The following PEX14 variants were observed in gnomAD, a reference collection of about 807,000 sequenced individuals.
The protein encoded by PEX14 is peroxisomal biogenesis factor 14, also known as peroxisomal membrane protein PEX14.
PEX14 carries 15 observed loss-of-function variants against 49.5 expected under a neutral mutation model. The ratio of observed to expected loss-of-function variants is 0.30; its 90% CI spans 0.20 to 0.47. PEX14 has a LOEUF of 0.47. Among genes scored for constraint, PEX14 ranks in the 20% least tolerant of loss-of-function variants. The pLI, the probability that PEX14 is intolerant of heterozygous loss-of-function variation, is 1.00. For missense variants in PEX14, 398 were observed against 494.8 expected (o/e 0.80, Z 1.86); for synonymous variants, 210 against 212.7 (o/e 0.99, Z 0.11).
chr1:10,572,689 A>T (rs11583484), intron 3 of PEX14, among the ~76,000 whole-genome samples: 4 of 144,834 alleles, frequency 2.8e-5, no homozygotes, highest in Non-Finnish European at 4.6e-5. Flanking sequence ...CGCCCCCCCC[A>T]CCACGCCCAG....
Position 10,618,532 on chromosome 1 carries a change from T to G in PEX14, c.384+115T>G, listed in dbSNP as rs552687700. The G allele has an allele frequency of 7.3e-4, 605 of 831,050 alleles. 2 individuals are homozygous for G. The East Asian group carries it at 7.9e-3, about 11-fold the overall frequency. 51.5% of individuals were successfully genotyped at this position (831,050 alleles called of 1,614,324 possible). On this transcript the variant is annotated intron_variant, in intron 5 of 8. Transcript: ENST00000356607. ...TGCCGTGCTCTGCCCTGGAGTGTGT[T>G]GGCAGTGAGAGGCTGTGGTAGAGGT... is the stretch of plus-strand genomic sequence containing the variant.
intron 4 of PEX14, among the ~76,000 whole-genome samples, chr1:10,611,028 C>CTTGAGGTCAGGAGTTTGAGGTCAGGAGT (rs1049848768): frequency 6.6e-6 from 1 of 151,976 alleles, no homozygotes. Context: ...GGGTGGATCA[C>CTTGAGGTCAGGAGTTTGAGGTCAGGAGT]TTGAGGTCAG....
chr1:10,477,885 A>G (rs541068984), intron 1 of PEX14, among the ~76,000 whole-genome samples: 5 of 152,140 alleles, frequency 3.3e-5, no homozygotes, highest in African/African-American at 1.2e-4. Context: ...TAAATGAGTT[A>G]TTTATTTATT....
At chr1:10,587,424 G>C (rs995287439) in intron 3 of PEX14, among the ~76,000 whole-genome samples, 8 of 152,200 alleles carry the variant, frequency 5.3e-5, no homozygotes, top group Non-Finnish European at 1.2e-4. Flanking sequence ...CAGCCTGAGT[G>C]ACAGAGTGAG....
At chr1:10,502,620 G>T (rs183530807) in intron 2 of PEX14, among the ~76,000 whole-genome samples, 1 of 151,888 alleles carries the variant, frequency 6.6e-6, no homozygotes, top group Non-Finnish European at 1.5e-5. Flanking sequence ...TGTACTTTAG[G>T]TTCCTGGCTT....
chr1:10,599,785 T>A (rs1322124527), intron 4 of PEX14, among the ~76,000 whole-genome samples: 1 of 152,208 alleles, frequency 6.6e-6, no homozygotes, highest in Non-Finnish European at 1.5e-5. Flanking sequence ...TTTTTTAAGT[T>A]AATATTTGTA....
At chr1:10,612,706 C>T (rs576760388) in intron 4 of PEX14, among the ~76,000 whole-genome samples, 6 of 152,348 alleles carry the variant, frequency 3.9e-5, no homozygotes, top group Non-Finnish European at 7.3e-5. Context: ...GCCAGGTCCC[C>T]GTCTCTCTGC....
rs951071219 is a variant in PEX14 at position 10,629,756 on chromosome 1, G to A, written c.903G>A (p.Gly301=). ...TGGGCCCCCAGGAGGAAGGCGAGGG[G>A]GTGGTGGACGTCAAGGGCCAGGTGC... The part of the protein sequence containing the change: ...HLLGPQEEGE[G]VVDVKGQVRM... The change falls in exon 9 of 9, where the codon GGG becomes GGA. Residue 301 remains glycine (G), a synonymous_variant. Transcript: ENST00000356607. This position sits in a 1 kb window ranked among gnomAD's most constrained non-coding sequence, Gnocchi z 8.5. The A allele has an allele frequency of 6.3e-7, 1 of 1,586,996 alleles. No individual in the cohort carries two copies. Among genetic ancestry groups the A allele is most frequent in the Non-Finnish European group, 8.6e-7 (1 of 1,165,914 alleles).
In PEX14 at chr1:10,514,438, C is replaced by A. The variant is rs1483047894; in HGVS notation, c.84+19117C>A. On this transcript the variant is annotated intron_variant, in intron 2 of 8. Coordinates refer to ENST00000356607, the MANE Select transcript of PEX14 (RefSeq NM_004565.3). This position sits in a 1 kb window ranked among gnomAD's most constrained non-coding sequence, Gnocchi z 4.4. ...TGTGTAACAATATACAGTGTTTGTTCAATGTCCTGGCAGGAAATTGGTCTA... is the reference window on the plus strand; with the variant it reads ...TGTGTAACAATATACAGTGTTTGTTAAATGTCCTGGCAGGAAATTGGTCTA... Among the ~76,000 whole-genome samples the A allele has an allele frequency of 6.6e-6, 1 of 152,156 alleles. No homozygotes were observed. The highest frequency in any genetic ancestry group is 6.5e-5 in the Admixed American group (1 of 15,284).
Position 10,495,436 on chromosome 1 carries a change from T to C in PEX14, c.84+115T>C. ...AGTAGTGTCCCTTTAAAAGTAGCTGTTACCTAGAGACTGCCTCTGTCAGTG... is the reference window on the plus strand; with the variant it reads ...AGTAGTGTCCCTTTAAAAGTAGCTGCTACCTAGAGACTGCCTCTGTCAGTG... On this transcript the variant is annotated intron_variant, in intron 2 of 8. Transcript: ENST00000356607. The surrounding 1 kb of genome is among the most constrained non-coding windows in gnomAD (Gnocchi z 4.2). The C allele has an allele frequency of 3.6e-6, 3 of 834,106 alleles. No individual in the cohort carries two copies. Among genetic ancestry groups the C allele is most frequent in the South Asian group, 1.4e-5 (1 of 69,654 alleles). The allele number at this position is 834,106 out of a possible 1,614,324, so 51.7% of individuals were successfully genotyped here. A position where few individuals can be genotyped will look rare whatever the true frequency, so the allele number is the denominator to read the frequency against.
chr1:10,553,200 A>G (rs1022431454), intron 3 of PEX14, among the ~76,000 whole-genome samples: 6 of 152,168 alleles, frequency 3.9e-5, no homozygotes, highest in African/African-American at 1.4e-4. Context: ...TGGATTAGAG[A>G]GTGAGGAAGC....
intron 2 of PEX14, among the ~76,000 whole-genome samples, chr1:10,513,252 C>T (rs1412652653): frequency 6.6e-6 from 1 of 152,136 alleles, no homozygotes. Context: ...TTTCACCCAC[C>T]TGGCTGGTTG....
At chr1:10,498,022 A>G (rs1177870082) in intron 2 of PEX14, among the ~76,000 whole-genome samples, 2 of 152,174 alleles carry the variant, frequency 1.3e-5, no homozygotes, top group African/African-American at 2.4e-5. Context: ...GCTCATGCCT[A>G]TCATCCCAGC....
intron 1 of PEX14, among the ~76,000 whole-genome samples, chr1:10,492,609 G>A (rs1641490910): frequency 6.6e-6 from 1 of 152,200 alleles, no homozygotes; most frequent in Non-Finnish European, 1.5e-5. Context: ...GTGAATGTTA[G>A]CACTTAGTAT....
intron 3 of PEX14, among the ~76,000 whole-genome samples, chr1:10,561,236 A>G (rs1471871670): frequency 1.3e-5 from 2 of 152,212 alleles, no homozygotes; most frequent in African/African-American, 4.8e-5. Flanking sequence ...ATCATCTGCT[A>G]TATATCCCAT....
chr1:10,526,057 G>T (rs1638468415), intron 2 of PEX14, among the ~76,000 whole-genome samples: 1 of 151,252 alleles, frequency 6.6e-6, no homozygotes, highest in Non-Finnish European at 1.5e-5. Flanking sequence ...TAGTAGCTGG[G>T]ACTATAGGTG....
At chr1:10,506,569 G>A (rs1175149041) in intron 2 of PEX14, among the ~76,000 whole-genome samples, 3 of 152,218 alleles carry the variant, frequency 2.0e-5, no homozygotes, top group African/African-American at 4.8e-5. Flanking sequence ...GAGCCACCAC[G>A]CCTGGCTATA....
chr1:10,627,802 C>A (rs555589095), intron 8 of PEX14, among the ~76,000 whole-genome samples: 1 of 152,346 alleles, frequency 6.6e-6, no homozygotes, highest in East Asian at 1.9e-4. Context: ...CAGAAGCAGG[C>A]CCTGCCCCCC....
intron 1 of PEX14, among the ~76,000 whole-genome samples, chr1:10,491,918 A>G (rs991463902): frequency 6.6e-6 from 1 of 151,926 alleles, no homozygotes; most frequent in African/African-American, 2.4e-5. Flanking sequence ...CCCGGCCTCA[A>G]GTGATTCGCT....
Sources: gnomAD v4.1 joint callset for allele counts (sites outside exome capture counted in the v4.1 genomes callset) on GRCh38, gnomAD v4.1.1 for gene constraint, Gnocchi (gnomAD v3.1) non-coding constraint, MANE v1.5 for transcripts, NCBI Gene and HGNC (gene_info 2026-07-23, HGNC 2026-07-21) for gene names.